Variants in RMDN1 observed in about 807,000 individuals in gnomAD.
RMDN1 encodes the protein regulator of microtubule dynamics 1.
In RMDN1, 48 loss-of-function variants were observed where a neutral mutation model predicts 48.9. The ratio of observed to expected loss-of-function variants is 0.98; its 90% confidence interval spans 0.78 to 1.25. The LOEUF (loss-of-function observed/expected upper bound fraction) is 1.25, where lower values mean the gene tolerates loss of function less well. Ranked by LOEUF, RMDN1 falls within the 50% of genes most tolerant of loss-of-function variation. The probability of loss-of-function intolerance (pLI) is 0.00; values close to 1 mark genes in which losing one functional copy is unlikely to be tolerated. For missense variants in RMDN1, 418 were observed against 373.4 expected, an observed-to-expected ratio of 1.12 and a Z score of -0.98; for synonymous variants, 148 against 132.6, an observed-to-expected ratio of 1.12 and a Z score of -0.80.
At chr8:86,481,862 T>C in intron 5 of RMDN1, 1 of 750,806 alleles carries the variant, frequency 1.3e-6, no homozygotes, top group Middle Eastern at 2.8e-4. Context: ...TATTTTTTTT[T>C]AAAAACATCA....
At chr8:86,497,956 T>C (rs6998303) in intron 2 of RMDN1, among the ~76,000 whole-genome samples, 40,130 of 150,916 alleles carry the variant, frequency 0.27, 6,186 homozygotes, top group East Asian at 0.54. Flanking sequence ...ATTAGCGAGG[T>C]GTGGTGGCGC....
At chr8:86,503,637 C>T in intron 2 of RMDN1, 3 of 496,766 alleles carry the variant, frequency 6.0e-6, no homozygotes, top group Non-Finnish European at 1.2e-5. Flanking sequence ...ACAATTGGCT[C>T]TTTCCAAGTT....
rs1403887294 is a variant in RMDN1, at chr8:86,486,630, ACT to A, written c.347_348del (p.Glu116ValfsTer11). ...LTQYKESEDA[E>X]LLWRLARASR... is the part of the protein sequence containing the mutation. ...GATGCCCGTGCCAAACGCCACAGTA[ACT>A]CTGCATCTTCACTAATTTGAAATAA... On this transcript the variant is annotated frameshift_variant, in exon 4 of 10. Coordinates refer to ENST00000406452, the MANE Select transcript of RMDN1 (RefSeq NM_016033.3). LOFTEE classifies it high-confidence loss of function. 2.5e-6 allele frequency: 4 copies of A among 1,584,946 alleles called. No homozygotes were observed. The highest frequency in any genetic ancestry group is 2.6e-6 in the Non-Finnish European group (3 of 1,168,326).
Position 86,508,630 on chromosome 8 carries a change from C to T in RMDN1, c.-10G>A, listed in dbSNP as rs111384019. 6.0e-5 allele frequency: 96 copies of T among 1,597,434 alleles called. 1 individual carries two copies. In the African/African-American group the frequency reaches 9.4e-4, roughly 16 times the overall value. Reference sequence around the variant, plus strand: ...GAGCAGCCAGCGCCATGACCTGCAACTTGCGGGCTGACCCTGCACTACTTC... The same window carrying T: ...GAGCAGCCAGCGCCATGACCTGCAATTTGCGGGCTGACCCTGCACTACTTC... On this transcript the variant is annotated 5_prime_UTR_variant, in exon 1 of 10. Coordinates refer to ENST00000406452, the MANE Select transcript of RMDN1 (RefSeq NM_016033.3).
chr8:86,504,063 CATT>C (rs1178516743), intron 2 of RMDN1: 8 of 868,530 alleles, frequency 9.2e-6, no homozygotes, highest in Admixed American at 1.7e-5. Flanking sequence ...AGCTGGGCAT[CATT>C]GTCAGAATTC....
At chr8:86,483,642 G>A (rs950972493) in intron 5 of RMDN1, among the ~76,000 whole-genome samples, 1 of 152,106 alleles carries the variant, frequency 6.6e-6, no homozygotes, top group Non-Finnish European at 1.5e-5. Flanking sequence ...GAAAAGCTAG[G>A]TCTCTGGACT....
At chr8:86,476,164 C>T (rs1813336826) in intron 8 of RMDN1, among the ~76,000 whole-genome samples, 1 of 152,136 alleles carries the variant, frequency 6.6e-6, no homozygotes, top group African/African-American at 2.4e-5. Context: ...TTTTTCTCAA[C>T]ACCCCCAACC....
upstream of RMDN1, chr8:86,508,900 T>G (rs1819880632): frequency 1.3e-6 from 1 of 742,120 alleles, no homozygotes; most frequent in South Asian, 6.1e-5. Flanking sequence ...CTGACTTGTT[T>G]CTGCTCCATC....
At chr8:86,506,146 G>T (rs186061399) in intron 2 of RMDN1, among the ~76,000 whole-genome samples, 55 of 152,238 alleles carry the variant, frequency 3.6e-4, no homozygotes, top group African/African-American at 1.1e-3. Flanking sequence ...CCACCTATCT[G>T]GTGGGAGAGC....
chr8:86,483,528 C>T (rs1007009285), intron 5 of RMDN1, among the ~76,000 whole-genome samples: 22 of 152,178 alleles, frequency 1.4e-4, no homozygotes, highest in Non-Finnish European at 2.2e-4. Context: ...CCAGCAATTA[C>T]ATCATGTAAT....
At chr8:86,470,391 A>G, downstream of RMDN1, 1 of 1,285,454 alleles carries the variant, frequency 7.8e-7, no homozygotes, top group Non-Finnish European at 1.0e-6. Flanking sequence ...GACCAATGTG[A>G]CACGTGGGGA....
chr8:86,508,370 G>C (rs1407919234), intron 1 of RMDN1, 122 bp downstream of exon 1: 1 of 1,105,706 alleles, frequency 9.0e-7, no homozygotes, highest in Admixed American at 3.3e-5. Context: ...CAGTGGCCCC[G>C]AGTTCTTTCC....
rs1354324383 is a variant in RMDN1, at chr8:86,503,366, C to CAAAAAAAAAAAAAAA, written c.247+3628_247+3629insTTTTTTTTTTTTTTT. Among the ~76,000 whole-genome samples, 224 of 70,036 alleles carry CAAAAAAAAAAAAAAA rather than the reference C, an allele frequency of 3.2e-3. 5 individuals carry two copies. The highest frequency in any genetic ancestry group is 5.7e-3 in the Non-Finnish European group (158 of 27,536). 45.9% of individuals were successfully genotyped at this position (70,036 alleles called of 152,430 possible). A position where few individuals can be genotyped will look rare whatever the true frequency, so the allele number is the denominator to read the frequency against. Reference sequence around the variant, plus strand: ...GACTCCGTCTCAAAACAAAACAAAACAAAACAAAAAAAAAAAAAAAAAACA... The same window carrying CAAAAAAAAAAAAAAA: ...GACTCCGTCTCAAAACAAAACAAAACAAAAAAAAAAAAAAAAAAACAAAAAAAAAAAAAAAAAACA... On this transcript the variant is annotated intron_variant, in intron 2 of 9. Transcript: ENST00000406452.
chr8:86,508,260 TG>T (rs764598410), intron 1 of RMDN1: 46 of 458,768 alleles, frequency 1.0e-4, no homozygotes, highest in Non-Finnish European at 1.5e-4. Flanking sequence ...AGGCAGCTTC[TG>T]GGGCGCGTGG....
At chr8:86,492,938 T>TA (rs1285380778) in intron 2 of RMDN1, among the ~76,000 whole-genome samples, 4 of 150,670 alleles carry the variant, frequency 2.7e-5, no homozygotes, top group African/African-American at 9.8e-5. Context: ...TGAATAAGCA[T>TA]AAAGCAGATC....
chr8:86,470,606 T>C (rs1307677918), downstream of RMDN1, among the ~76,000 whole-genome samples: 4 of 152,214 alleles, frequency 2.6e-5, no homozygotes, highest in Admixed American at 6.5e-5. Context: ...ATAATGCTCA[T>C]AGCAGCTTTA....
intron 2 of RMDN1, chr8:86,503,942 TG>T: frequency 1.3e-6 from 1 of 750,268 alleles, no homozygotes; most frequent in Non-Finnish European, 2.5e-6. Context: ...ATGCTGACCC[TG>T]GGCTGCTTGG....
chr8:86,479,176 T>C (rs981374240), intron 6 of RMDN1, among the ~76,000 whole-genome samples, 166 bp from the exon 7 acceptor site: 3 of 152,162 alleles, frequency 2.0e-5, no homozygotes, highest in African/African-American at 7.2e-5. Context: ...TAGTGATCCT[T>C]TAGCTGGGGG....
At chr8:86,471,289 C>T (rs1812541128), downstream of RMDN1, among the ~76,000 whole-genome samples, 1 of 150,782 alleles carries the variant, frequency 6.6e-6, no homozygotes, top group Admixed American at 6.7e-5. Context: ...AAAAAACAAA[C>T]AACTAAGCAG....
Sources: allele counts gnomAD v4.1 joint callset (sites outside exome capture counted in the v4.1 genomes callset), GRCh38; gene constraint gnomAD v4.1.1; transcripts MANE v1.5; gene names NCBI Gene and HGNC (gene_info 2026-07-23, HGNC 2026-07-21).